SPINK5: variants seen among roughly 807,000 people sequenced by gnomAD.
SPINK5 encodes the protein serine protease inhibitor Kazal-type 5.
SPINK5 carries 125 observed loss-of-function variants against 151.8 expected under a neutral mutation model. The observed-to-expected ratio is 0.82, with a 90% confidence interval of 0.71 to 0.96. The LOEUF (loss-of-function observed/expected upper bound fraction) is 0.96, where lower values mean the gene tolerates loss of function less well. Among genes scored for constraint, SPINK5 ranks in the 40% least tolerant of loss-of-function variants. SPINK5 has a pLI of 0.00. For missense variants in SPINK5, 1,194 were observed against 1,291.9 expected (o/e 0.92, Z 1.16); for synonymous variants, 374 against 395.3 (o/e 0.95, Z 0.64).
intron 1 of SPINK5, 122 bp from the exon 2 acceptor site, chr5:148,065,225 A>G: frequency 9.7e-7 from 1 of 1,032,532 alleles, no homozygotes; most frequent in South Asian, 1.4e-5. Context: ...TTCAAAAACC[A>G]TTTGCGGTTT....
intron 1 of SPINK5, among the ~76,000 whole-genome samples, chr5:148,065,114 A>G (rs1027630879): frequency 5.9e-5 from 9 of 152,108 alleles, no homozygotes; most frequent in Admixed American, 5.2e-4. Flanking sequence ...TTATTTTCCA[A>G]AGTAATTGTA....
chr5:148,089,517 C>A lies in SPINK5; in HGVS notation c.498C>A (p.Pro166=). The change falls in exon 7 of 33, where the codon CCC becomes CCA. Residue 166 remains proline (P), a synonymous_variant. Transcript: ENST00000256084. ...PEQDVCSAFR[P]FVRDGRLGCT... ...AGGATGTATGCAGTGCTTTTCGGCC[C>A]TTTGTTAGAGATGGAAGACTTGGAT... 1 of 1,611,810 alleles carries A rather than the reference C, an allele frequency of 6.2e-7. No homozygotes were observed. The highest frequency in any genetic ancestry group is 2.2e-5 in the East Asian group (1 of 44,746).
At chr5:148,107,811 C>T (rs1486079949) in intron 17 of SPINK5, among the ~76,000 whole-genome samples, 1 of 152,124 alleles carries the variant, frequency 6.6e-6, no homozygotes, top group Non-Finnish European at 1.5e-5. Flanking sequence ...ACTACAGCTC[C>T]ATCGTGTGGG....
At chr5:148,126,571 T>TTTTATTTATTTATTTATTTATTTA (rs78833989) in intron 29 of SPINK5, among the ~76,000 whole-genome samples, 1 of 149,838 alleles carries the variant, frequency 6.7e-6, no homozygotes, top group African/African-American at 2.5e-5. Flanking sequence ...TGTGATTCTG[T>TTTTATTTATTTATTTATTTATTTA]TTTATTTATT....
At chr5:148,090,975 G>A (rs777166340) in intron 7 of SPINK5, 190 bp from the exon 8 acceptor site, 20 of 588,086 alleles carry the variant, frequency 3.4e-5, no homozygotes, top group African/African-American at 7.5e-5. Flanking sequence ...AGCTATTGCC[G>A]TCTTTCTTTC....
chr5:148,071,980 G>A (rs1752750323), intron 3 of SPINK5, among the ~76,000 whole-genome samples, 168 bp from the exon 4 acceptor site: 1 of 152,062 alleles, frequency 6.6e-6, no homozygotes, highest in Non-Finnish European at 1.5e-5. Context: ...ATTTTTCAAT[G>A]TTGAAGGGAG....
Position 148,116,449 on chromosome 5 carries a change from G to A in SPINK5, c.2095G>A (p.Gly699Arg). The part of the protein sequence containing the change: ...NAAGHGSSGG[G>R]GGNTQDECAE... ...TGCAGGACATGGTTCCAGTGGTGGT[G>A]GAGGAGGAAACACTCAGGTGAGAGC... is the stretch of plus-strand genomic sequence containing the variant. Residue 699 changes from glycine (G) to arginine (R), a missense_variant, in exon 22 of 33, where the codon GGA becomes AGA. Physicochemically the swap from Gly to Arg is moderately radical, Grantham distance 125. Transcript: ENST00000256084. 2 of 1,614,120 alleles carry A rather than the reference G, an allele frequency of 1.2e-6. No homozygotes were observed. Among genetic ancestry groups the A allele is most frequent in the Non-Finnish European group, 8.5e-7 (1 of 1,179,986 alleles).
At position 148,134,192 on chromosome 5, in the gene SPINK5, A is replaced by G. The variant is rs1048130714; in HGVS notation, c.3186+305A>G. On this transcript the variant is annotated intron_variant, in intron 32 of 32. Coordinates refer to ENST00000256084, the MANE Select transcript of SPINK5 (RefSeq NM_006846.4). Reference sequence around the variant, plus strand: ...GGTTTTGTTTTCTGTGATCTATAATAAAAAGATGAGACAGAGACCAAGAGA... The same window carrying G: ...GGTTTTGTTTTCTGTGATCTATAATGAAAAGATGAGACAGAGACCAAGAGA... 9.7e-6 allele frequency: 4 copies of G among 414,188 alleles called. No individual in the cohort carries two copies. In the East Asian group the frequency reaches 2.1e-4, roughly 22 times the overall value. The allele number at this position is 414,188 out of a possible 1,614,324, so 25.7% of individuals were successfully genotyped here. A position where few individuals can be genotyped will look rare whatever the true frequency, so the allele number is the denominator to read the frequency against.
intron 30 of SPINK5, among the ~76,000 whole-genome samples, chr5:148,127,579 G>A (rs1167466432): frequency 6.6e-6 from 1 of 152,106 alleles, no homozygotes; most frequent in African/African-American, 2.4e-5. Context: ...TGAGCTGGGT[G>A]CGGTGGCTCA....
chr5:148,131,688 A>G (rs1253508634), intron 31 of SPINK5, among the ~76,000 whole-genome samples: 1 of 152,218 alleles, frequency 6.6e-6, no homozygotes, highest in East Asian at 1.9e-4. Context: ...GTGTACAGTC[A>G]TGGGAGTGTG....
At position 148,065,524 on chromosome 5, in the gene SPINK5, A is replaced by T. The variant is rs1433334433; in HGVS notation, c.81+152A>T. 5.3e-6 allele frequency: 4 copies of T among 749,270 alleles called. No individual in the cohort carries two copies. In the South Asian group the frequency reaches 6.3e-5, roughly 12 times the overall value. 46.4% of individuals were successfully genotyped at this position (749,270 alleles called of 1,614,324 possible). On this transcript the variant is annotated intron_variant, in intron 2 of 32. Coordinates refer to ENST00000256084, the MANE Select transcript of SPINK5 (RefSeq NM_006846.4). ...AAAACACAGAAACAGATTTTTATGA[A>T]TCAGGACATGAGCCTCTCTCTCACA...
At chr5:148,077,627 G>A (rs1752916920) in intron 4 of SPINK5, among the ~76,000 whole-genome samples, 1 of 98,918 alleles carries the variant, frequency 1.0e-5, no homozygotes, top group African/African-American at 4.5e-5. Context: ...TTATAATGCT[G>A]TTTTATCAGG....
intron 13 of SPINK5, 125 bp downstream of exon 13, chr5:148,100,706 C>G: frequency 9.1e-7 from 1 of 1,093,784 alleles, no homozygotes; most frequent in East Asian, 2.6e-5. Flanking sequence ...TTTAGAGAAA[C>G]TGTCTGATTG....
intron 9 of SPINK5, 48 bp from the exon 10 acceptor site, chr5:148,095,770 A>G (rs1334872278): frequency 6.0e-6 from 9 of 1,488,684 alleles, no homozygotes; most frequent in Admixed American, 1.7e-5. Flanking sequence ...ACTGTTTTGT[A>G]ACATGAAGAT....
At chr5:148,101,939 A>C in intron 15 of SPINK5, 31 bp downstream of exon 15, 1 of 1,612,832 alleles carries the variant, frequency 6.2e-7, no homozygotes, top group South Asian at 1.1e-5. Context: ...ATAGCGTCTG[A>C]GGATTGAGCA....
At chr5:148,134,284 T>C (rs571861528) in intron 32 of SPINK5, among the ~76,000 whole-genome samples, 2 of 152,124 alleles carry the variant, frequency 1.3e-5, no homozygotes, top group Non-Finnish European at 2.9e-5. Context: ...GAACTTTACA[T>C]TGTATTAAAT....
intron 3 of SPINK5, among the ~76,000 whole-genome samples, chr5:148,071,449 T>C (rs4519912): frequency 0.75 from 113,512 of 151,956 alleles, 43,687 homozygotes; most frequent in African/African-American, 0.92. Context: ...ATTCTTTCTT[T>C]TTTTGAAAGC....
intron 4 of SPINK5, among the ~76,000 whole-genome samples, chr5:148,084,069 T>G (rs1261979968): frequency 6.6e-6 from 1 of 151,900 alleles, no homozygotes; most frequent in Non-Finnish European, 1.5e-5. Context: ...TATCTCTCCA[T>G]AACATAATTA....
At chr5:148,104,254 T>C (rs1247908549) in intron 15 of SPINK5, among the ~76,000 whole-genome samples, 1 of 152,202 alleles carries the variant, frequency 6.6e-6, no homozygotes, top group Non-Finnish European at 1.5e-5. Context: ...AAGGTACTTC[T>C]TGTCTTCCTT....
Sources: gnomAD v4.1 joint callset for allele counts (sites outside exome capture counted in the v4.1 genomes callset) on GRCh38, gnomAD v4.1.1 for gene constraint, MANE v1.5 for transcripts, NCBI Gene and HGNC (gene_info 2026-07-23, HGNC 2026-07-21) for gene names.